The following PALM2AKAP2 variants were observed in gnomAD, a reference collection of about 807,000 sequenced individuals.
PALM2AKAP2 encodes PALM2 and AKAP2 fusion.
Under a neutral mutation model 71.5 loss-of-function variants are expected in PALM2AKAP2, and 37 were observed. That is an observed-to-expected ratio of 0.52 (90% CI 0.40 to 0.68). The LOEUF (loss-of-function observed/expected upper bound fraction) is 0.68, where lower values mean the gene tolerates loss of function less well. Among genes scored for constraint, PALM2AKAP2 ranks in the 30% least tolerant of loss-of-function variants. The pLI is 0.00. For synonymous variants in PALM2AKAP2, 468 were observed against 478.8 expected (o/e 0.98, Z 0.29); for missense variants, 1,224 against 1,191.8 (o/e 1.03, Z -0.40).
intron 1 of PALM2AKAP2, among the ~76,000 whole-genome samples, chr9:109,834,145 G>A (rs1828387538): frequency 6.6e-6 from 1 of 152,202 alleles, no homozygotes. Context: ...CCTGGGAGGT[G>A]GATGTTGCAG....
At chr9:109,998,764 CAA>C (rs766171217) in intron 6 of PALM2AKAP2, among the ~76,000 whole-genome samples, 35 of 70,756 alleles carry the variant, frequency 4.9e-4, no homozygotes, top group Admixed American at 1.3e-3. Context: ...GACCCTGTCG[CAA>C]AAAAAAAAAA....
intron 1 of PALM2AKAP2, among the ~76,000 whole-genome samples, chr9:109,659,462 A>G (rs1298204793): frequency 6.9e-6 from 1 of 144,738 alleles, no homozygotes; most frequent in Non-Finnish European, 1.5e-5. Context: ...TCTACTTTCT[A>G]TCTATATAGA....
intron 1 of PALM2AKAP2, among the ~76,000 whole-genome samples, chr9:109,814,072 G>A (rs578135774): frequency 6.6e-6 from 1 of 152,306 alleles, no homozygotes; most frequent in Non-Finnish European, 1.5e-5. Flanking sequence ...CTGCTGAGCT[G>A]ACTTGACTCA....
intron 1 of PALM2AKAP2, among the ~76,000 whole-genome samples, chr9:109,841,452 A>G (rs527237616): frequency 8.4e-4 from 111 of 132,896 alleles, no homozygotes; most frequent in Admixed American, 1.8e-3. Context: ...CCAACATGGC[A>G]CATGTATACC....
intron 1 of PALM2AKAP2, among the ~76,000 whole-genome samples, chr9:110,122,305 T>C (rs4978871): frequency 0.78 from 118,374 of 152,218 alleles, 46,162 homozygotes; most frequent in East Asian, 0.97. Flanking sequence ...ACTGGGATTT[T>C]ACAGGTGTGA....
intron 3 of PALM2AKAP2, among the ~76,000 whole-genome samples, chr9:109,886,290 C>T (rs1829964683): frequency 6.6e-6 from 1 of 152,158 alleles, no homozygotes; most frequent in African/African-American, 2.4e-5. Context: ...CGGGTTGATA[C>T]TTTCGGAGAT....
In PALM2AKAP2 at chr9:110,048,708, GC is replaced by G. The variant is rs1487297066; in HGVS notation, c.13del (p.Gln5SerfsTer60). ...GCTACCACTCCCTGCAGATGCGCTG[GC>G]CCCAGCCCGGGGCTGCCGCTCGCCT... On this transcript the variant is annotated frameshift_variant, in exon 1 of 4. Transcript: ENST00000374525. LOFTEE classifies it high-confidence loss of function. 3.2e-6 allele frequency: 5 copies of G among 1,546,762 alleles called. No individual in the cohort carries two copies. In the East Asian group the frequency reaches 1.2e-4, roughly 38 times the overall value.
intron 6 of PALM2AKAP2, among the ~76,000 whole-genome samples, chr9:109,975,772 G>A (rs975514955): frequency 6.6e-6 from 1 of 152,180 alleles, no homozygotes; most frequent in African/African-American, 2.4e-5. Context: ...GTGGTTCACA[G>A]CCACCATCAT....
chr9:109,898,713 C>G (rs958733970), intron 3 of PALM2AKAP2, among the ~76,000 whole-genome samples: 1 of 152,224 alleles, frequency 6.6e-6, no homozygotes, highest in Non-Finnish European at 1.5e-5. Context: ...ATCCCAAACT[C>G]CACTGACTCC....
chr9:109,748,098 T>C (rs762423744), intron 1 of PALM2AKAP2, among the ~76,000 whole-genome samples: 1 of 152,248 alleles, frequency 6.6e-6, no homozygotes, highest in Non-Finnish European at 1.5e-5. Context: ...GCCACCTTCT[T>C]ATATGTATGT....
At chr9:109,695,041 G>T (rs1381940556) in intron 1 of PALM2AKAP2, among the ~76,000 whole-genome samples, 1 of 151,988 alleles carries the variant, frequency 6.6e-6, no homozygotes, top group Non-Finnish European at 1.5e-5. Flanking sequence ...ATTCCAGCCA[G>T]ATCAAATATT....
intron 2 of PALM2AKAP2, among the ~76,000 whole-genome samples, chr9:109,873,065 T>C (rs926683364): frequency 6.6e-6 from 1 of 151,100 alleles, no homozygotes; most frequent in Non-Finnish European, 1.5e-5. Flanking sequence ...AAGGAAAGAG[T>C]GGGAAGGATA....
chr9:109,899,168 C>T (rs1830274307), intron 3 of PALM2AKAP2, among the ~76,000 whole-genome samples: 1 of 152,076 alleles, frequency 6.6e-6, no homozygotes, highest in South Asian at 2.1e-4. Flanking sequence ...ACACCTATAA[C>T]TCAGCATGCT....
intron 1 of PALM2AKAP2, among the ~76,000 whole-genome samples, chr9:109,729,816 C>T (rs528590896): frequency 6.6e-6 from 1 of 152,320 alleles, no homozygotes; most frequent in East Asian, 1.9e-4. Context: ...CCGGAGGACA[C>T]TTTGTCTCCT....
chr9:109,923,616 C>G (rs549928952), intron 3 of PALM2AKAP2, 119 bp from the exon 4 acceptor site: 1 of 1,079,968 alleles, frequency 9.3e-7, no homozygotes, highest in Non-Finnish European at 1.3e-6. Flanking sequence ...GGCTCCTCAG[C>G]GTAATGTAAA....
intron 7 of PALM2AKAP2, among the ~76,000 whole-genome samples, chr9:110,032,379 C>T (rs1453187425): frequency 6.6e-6 from 1 of 151,446 alleles, no homozygotes. Context: ...GGCAACTTGG[C>T]CAGACATCAT....
At chr9:109,673,290 A>G (rs1464787571) in intron 1 of PALM2AKAP2, among the ~76,000 whole-genome samples, 1 of 152,062 alleles carries the variant, frequency 6.6e-6, no homozygotes, top group Admixed American at 6.6e-5. Context: ...TGTCCCAGAG[A>G]TTCTGGCATG....
At chr9:109,835,097 A>AT (rs1564171068) in intron 1 of PALM2AKAP2, among the ~76,000 whole-genome samples, 1 of 151,696 alleles carries the variant, frequency 6.6e-6, no homozygotes, top group African/African-American at 2.4e-5. Context: ...GACACCTGGC[A>AT]TTTGTGTTTA....
chr9:109,924,673 C>T (rs1009204813), intron 4 of PALM2AKAP2, among the ~76,000 whole-genome samples: 2 of 152,026 alleles, frequency 1.3e-5, no homozygotes, highest in African/African-American at 2.4e-5. Context: ...GAGTAGAGTC[C>T]GTAAAACCAG....
Sources: gnomAD v4.1 joint callset for allele counts (sites outside exome capture counted in the v4.1 genomes callset) on GRCh38, gnomAD v4.1.1 for gene constraint, MANE v1.5 for transcripts, NCBI Gene and HGNC (gene_info 2026-07-23, HGNC 2026-07-21) for gene names.